Variants in NR6A1 observed in about 807,000 individuals in gnomAD.
NR6A1 encodes retinoic acid receptor-related testis-associated receptor.
In NR6A1, 7 loss-of-function variants were observed where a neutral mutation model predicts 59.1. The observed-to-expected ratio is 0.12, with a 90% CI of 0.07 to 0.22. The LOEUF (loss-of-function observed/expected upper bound fraction) is 0.22, where lower values mean the gene tolerates loss of function less well. Ranked by LOEUF, NR6A1 falls within the 10% of genes least tolerant of loss-of-function variation. The probability of loss-of-function intolerance (pLI) is 1.00; values close to 1 mark genes in which losing one functional copy is unlikely to be tolerated. For synonymous variants in NR6A1, 243 were observed against 236.1 expected, an observed-to-expected ratio of 1.03 and a Z score of -0.27; for missense variants, 468 against 611.6, an observed-to-expected ratio of 0.77 and a Z score of 2.48.
intron 2 of NR6A1, among the ~76,000 whole-genome samples, chr9:124,643,899 GTTTT>G (rs987772965): frequency 6.6e-6 from 1 of 151,746 alleles, no homozygotes; most frequent in African/African-American, 2.4e-5. Flanking sequence ...TCCTTTCTGG[GTTTT>G]TTTGTTTTTG....
At chr9:124,619,975 C>T (rs1836016770) in intron 2 of NR6A1, among the ~76,000 whole-genome samples, 1 of 152,176 alleles carries the variant, frequency 6.6e-6, no homozygotes, top group Admixed American at 6.5e-5. Context: ...GCAGAAGAAT[C>T]GTTTGAACTT....
At chr9:124,609,512 C>G (rs1044072744) in intron 2 of NR6A1, among the ~76,000 whole-genome samples, 9 of 152,066 alleles carry the variant, frequency 5.9e-5, no homozygotes, top group Admixed American at 5.9e-4. Flanking sequence ...CTTACTGTGG[C>G]CTTATAGTCT....
intron 2 of NR6A1, among the ~76,000 whole-genome samples, chr9:124,639,783 TGCAGA>T (rs1479776696): frequency 5.3e-5 from 8 of 152,232 alleles, no homozygotes; most frequent in African/African-American, 1.9e-4. Context: ...ATTTTAGCAA[TGCAGA>T]GGTCTGTGGT....
intron 2 of NR6A1, among the ~76,000 whole-genome samples, chr9:124,578,604 C>T (rs1045417859): frequency 1.3e-5 from 2 of 152,230 alleles, no homozygotes; most frequent in Non-Finnish European, 2.9e-5. Context: ...GCTTATGCCA[C>T]CATCATCTCT....
intron 2 of NR6A1, chr9:124,599,545 A>G: frequency 1.5e-6 from 1 of 671,880 alleles, no homozygotes. Flanking sequence ...CAATGGAAGT[A>G]TCGTGGTCTT....
At chr9:124,671,842 A>G (rs1323519282) in intron 2 of NR6A1, among the ~76,000 whole-genome samples, 1 of 152,242 alleles carries the variant, frequency 6.6e-6, no homozygotes, top group Non-Finnish European at 1.5e-5. Context: ...GTAAAAATAC[A>G]GTAAAGTGCA....
rs983861812 is a variant in NR6A1, at chr9:124,524,750, A to G, written c.1325T>C (p.Met442Thr). 4.3e-6 allele frequency: 7 copies of G among 1,613,974 alleles called. No homozygotes were observed. The East Asian group carries it at 1.1e-4, about 26-fold the overall frequency. ...HQPNRFPDLM[M>T]CLPEIRYIAG... ...AATATATCGAATCTCAGGTAAGCAC[A>G]TCATGAGATCAGGAAAGCGGTTCGG... The change falls in exon 9 of 10, where the codon ATG (methionine) becomes ACG (threonine). Residue 442 changes from methionine to threonine, a missense_variant. Met to Thr is a moderately conservative substitution (Grantham distance 81). Coordinates refer to ENST00000487099, the MANE Select transcript of NR6A1 (RefSeq NM_033334.4).
chr9:124,620,049 G>A (rs190719759), intron 2 of NR6A1, among the ~76,000 whole-genome samples: 47 of 152,066 alleles, frequency 3.1e-4, no homozygotes, highest in African/African-American at 9.6e-4. Context: ...CAACAAGAGC[G>A]AAACTTCATC....
At position 124,527,939 on chromosome 9, in the gene NR6A1, G is replaced by A. The variant is rs113508106; in HGVS notation, c.1080-1039C>T. ...AAAGACGAGGTCAAGTCTGGCCTGA[G>A]TCATTCTAGGAGTGGCCTGGCTAGT... On this transcript the variant is annotated intron_variant, in intron 7 of 9. Coordinates refer to ENST00000487099, the MANE Select transcript of NR6A1 (RefSeq NM_033334.4). 4.7e-3 allele frequency among the ~76,000 whole-genome samples: 709 copies of A among 152,356 alleles called. 6 individuals carry two copies. The highest frequency in any genetic ancestry group is 0.016 in the African/African-American group (663 of 41,580).
intron 9 of NR6A1, 54 bp from the exon 10 acceptor site, chr9:124,522,847 C>T: frequency 7.0e-7 from 1 of 1,432,344 alleles, no homozygotes; most frequent in Admixed American, 2.0e-5. Flanking sequence ...AGTGGACAGG[C>T]AAGTCAGCCT....
intron 2 of NR6A1, among the ~76,000 whole-genome samples, chr9:124,637,702 C>T (rs1210258706): frequency 6.6e-6 from 1 of 151,718 alleles, no homozygotes; most frequent in East Asian, 1.9e-4. Flanking sequence ...ACCAGCCTAG[C>T]CAACATGGTG....
chr9:124,605,537 G>A lies in NR6A1; in HGVS notation c.143-50967C>T, dbSNP rs144901327. 6.3e-3 allele frequency among the ~76,000 whole-genome samples: 955 copies of A among 151,720 alleles called. 9 individuals are homozygous for A. Among genetic ancestry groups the A allele is most frequent in the African/African-American group, 0.022 (894 of 41,406 alleles). ...TGTCTCTTAAAAACAAAAAACCCTCGCATCACTGCACTCCAGCCTGGGCAA... is the reference window on the plus strand; with the variant it reads ...TGTCTCTTAAAAACAAAAAACCCTCACATCACTGCACTCCAGCCTGGGCAA... On this transcript the variant is annotated intron_variant, in intron 2 of 9. Transcript: ENST00000487099.
chr9:124,665,090 A>AG (rs1837571041), intron 2 of NR6A1, among the ~76,000 whole-genome samples: 1 of 148,768 alleles, frequency 6.7e-6, no homozygotes, highest in South Asian at 2.2e-4. Context: ...GCTACACAGG[A>AG]GGCTAAGGCA....
intron 1 of NR6A1, among the ~76,000 whole-genome samples, chr9:124,765,288 T>C (rs1325968087): frequency 2.0e-5 from 3 of 152,234 alleles, no homozygotes; most frequent in African/African-American, 7.2e-5. Flanking sequence ...CTCAGAACAC[T>C]TGAAGCCCTC....
chr9:124,710,434 CT>C (rs1178840128), intron 2 of NR6A1, among the ~76,000 whole-genome samples: 2 of 152,144 alleles, frequency 1.3e-5, no homozygotes, highest in Admixed American at 1.3e-4. Context: ...TGAGGTTTTG[CT>C]TTAAGTCACA....
chr9:124,675,846 G>C (rs1837939785), intron 2 of NR6A1, among the ~76,000 whole-genome samples: 1 of 152,130 alleles, frequency 6.6e-6, no homozygotes, highest in African/African-American at 2.4e-5. Flanking sequence ...AGAACATCTG[G>C]ATTTGCTCCT....
intron 1 of NR6A1, among the ~76,000 whole-genome samples, chr9:124,758,029 A>G (rs1014442946): frequency 6.6e-6 from 1 of 152,240 alleles, no homozygotes; most frequent in Non-Finnish European, 1.5e-5. Context: ...GCACTTCTTC[A>G]CAGCAGTACT....
intron 2 of NR6A1, among the ~76,000 whole-genome samples, chr9:124,630,220 T>TG (rs1461534018): frequency 6.8e-6 from 1 of 147,334 alleles, no homozygotes; most frequent in East Asian, 2.0e-4. Flanking sequence ...GTTTTTTTTT[T>TG]TTTTTTTTTT....
At chr9:124,737,529 T>C (rs1317681505) in intron 1 of NR6A1, among the ~76,000 whole-genome samples, 1 of 152,176 alleles carries the variant, frequency 6.6e-6, no homozygotes, top group Non-Finnish European at 1.5e-5. Flanking sequence ...TTGGATTTAT[T>C]CAATTAGATT....
Sources: gnomAD v4.1 joint callset for allele counts (sites outside exome capture counted in the v4.1 genomes callset) on GRCh38, gnomAD v4.1.1 for gene constraint, MANE v1.5 for transcripts, NCBI Gene and HGNC (gene_info 2026-07-23, HGNC 2026-07-21) for gene names.